The following NTMT1 variants were observed in gnomAD, a reference collection of about 807,000 sequenced individuals.
NTMT1 encodes the protein N-terminal Xaa-Pro-Lys N-methyltransferase 1.
In NTMT1, 8 loss-of-function variants were observed where a neutral mutation model predicts 17.5. The observed-to-expected ratio is 0.46, with a 90% CI of 0.27 to 0.82. NTMT1 has a LOEUF of 0.82. Ranked by LOEUF, NTMT1 falls within the 40% of genes least tolerant of loss-of-function variation. NTMT1 has a pLI of 0.15. For missense variants in NTMT1, 221 were observed against 303.5 expected (o/e 0.73, Z 2.02); for synonymous variants, 128 against 126.8 (o/e 1.01, Z -0.06).
Position 129,614,831 on chromosome 9 carries a change from G to A in NTMT1, c.-55+5653G>A, listed in dbSNP as rs1830272341. Among the ~76,000 whole-genome samples, 1 of 152,204 alleles carries A rather than the reference G, an allele frequency of 6.6e-6. No homozygotes were observed. The highest frequency in any genetic ancestry group is 2.4e-5 in the African/African-American group (1 of 41,436). On this transcript the variant is annotated intron_variant, in intron 1 of 3. Coordinates refer to the NTMT1 transcript ENST00000372486. This position sits in a 1 kb window ranked among gnomAD's most constrained non-coding sequence, Gnocchi z 4.4. ...GCAGGAGAATGGCATGAACCCGGGA[G>A]GTGGAGCTTGCAGCGAGCCGAGATC...
intron 1 of NTMT1, among the ~76,000 whole-genome samples, chr9:129,629,095 A>C (rs554486151): frequency 6.6e-6 from 1 of 152,052 alleles, no homozygotes; most frequent in South Asian, 2.1e-4. Flanking sequence ...GGGCTCAAGC[A>C]GTCTTCCCAC....
rs555276434 is a variant in NTMT1 at position 129,613,727 on chromosome 9, C to T, written c.-55+4549C>T. Reference sequence around the variant, plus strand: ...TCCATGGCAACCCCAGGCTCCCCAGCGCCTTCTGGCTGCCTCCAGAGAAGC... The same window carrying T: ...TCCATGGCAACCCCAGGCTCCCCAGTGCCTTCTGGCTGCCTCCAGAGAAGC... On this transcript the variant is annotated intron_variant, in intron 1 of 3. Transcript: ENST00000372486. The surrounding 1 kb of genome is among the most constrained non-coding windows in gnomAD (Gnocchi z 6.2). 2.1e-5 allele frequency: 24 copies of T among 1,156,184 alleles called. No individual in the cohort carries two copies. The highest frequency in any genetic ancestry group is 2.7e-5 in the Non-Finnish European group (22 of 822,772). The allele number at this position is 1,156,184 out of a possible 1,614,324, so 71.6% of individuals were successfully genotyped here. A position where few individuals can be genotyped will look rare whatever the true frequency, so the allele number is the denominator to read the frequency against.
chr9:129,609,351 C>A (rs1404342332), intron 1 of NTMT1, among the ~76,000 whole-genome samples: 3 of 152,252 alleles, frequency 2.0e-5, no homozygotes, highest in East Asian at 3.9e-4. Flanking sequence ...TCCTCCCCCT[C>A]CCCCCAACTA....
At chr9:129,610,357 C>G (rs1387440517) in intron 1 of NTMT1, among the ~76,000 whole-genome samples, 1 of 147,412 alleles carries the variant, frequency 6.8e-6, no homozygotes, top group Non-Finnish European at 1.5e-5. Flanking sequence ...AGTCCGGGGT[C>G]GCGGGGGCGC....
chr9:129,622,263 C>T (rs985504399), upstream of NTMT1, among the ~76,000 whole-genome samples: 3 of 152,178 alleles, frequency 2.0e-5, no homozygotes, highest in Non-Finnish European at 2.9e-5. Flanking sequence ...GAGGCCGAGG[C>T]GGGCGGATCA....
At chr9:129,631,991 G>A (rs2900277) in intron 1 of NTMT1, among the ~76,000 whole-genome samples, 8 of 152,124 alleles carry the variant, frequency 5.3e-5, no homozygotes, top group Non-Finnish European at 1.0e-4. Flanking sequence ...GGACCCCACC[G>A]TGAGTTGTTG....
rs16931335 is a variant in NTMT1 at position 129,614,592 on chromosome 9, G to A, written c.-55+5414G>A. ...AACAGGGACTTCTCGCCTGCTTCTC[G>A]AGACACACTTCAGAAAATTCACTGG... On this transcript the variant is annotated intron_variant, in intron 1 of 3. Coordinates refer to the NTMT1 transcript ENST00000372486. The surrounding 1 kb of genome is among the most constrained non-coding windows in gnomAD (Gnocchi z 4.4). Among the ~76,000 whole-genome samples, 27,960 of 152,110 alleles carry A rather than the reference G, an allele frequency of 0.18. 2,993 individuals carry two copies. The highest frequency in any genetic ancestry group is 0.29 in the East Asian group (1,525 of 5,170).
chr9:129,623,139 C>G (rs1341532591), upstream of NTMT1, among the ~76,000 whole-genome samples: 1 of 152,076 alleles, frequency 6.6e-6, no homozygotes, highest in Non-Finnish European at 1.5e-5. Flanking sequence ...CGAGACCATC[C>G]TGGCTAACAC....
upstream of NTMT1, among the ~76,000 whole-genome samples, chr9:129,624,361 G>A (rs575001619): frequency 6.6e-5 from 10 of 152,198 alleles, no homozygotes; most frequent in Admixed American, 3.9e-4. Flanking sequence ...CACCCCCACC[G>A]ATTGAAATTG....
At position 129,635,502 on chromosome 9, in the gene NTMT1, T is replaced by C. The variant is rs1279800812; in HGVS notation, c.*38T>C. The C allele has an allele frequency of 1.9e-6, 3 of 1,581,282 alleles. No individual in the cohort carries two copies. Among genetic ancestry groups the C allele is most frequent in the Non-Finnish European group, 1.7e-6 (2 of 1,161,754 alleles). On this transcript the variant is annotated 3_prime_UTR_variant, in exon 4 of 4. Coordinates refer to ENST00000372483, the MANE Select transcript of NTMT1 (RefSeq NM_014064.4). ...AGGAGAAACTGAGGAACCACAGTCC[T>C]GGTGGGGGGAGCTGGCAGCTGGGCA...
intron 1 of NTMT1, chr9:129,612,462 G>A: frequency 6.2e-7 from 1 of 1,609,552 alleles, no homozygotes; most frequent in Non-Finnish European, 8.5e-7. Context: ...CTCCTAGAGT[G>A]AGACAGAGGA....
intron 3 of NTMT1, 79 bp downstream of exon 3, chr9:129,634,385 G>A: frequency 6.7e-7 from 1 of 1,498,846 alleles, no homozygotes; most frequent in South Asian, 1.3e-5. Flanking sequence ...CAGGACCAGG[G>A]CTTTGCACTC....
At chr9:129,616,577 C>A (rs563528049) in intron 1 of NTMT1, among the ~76,000 whole-genome samples, 44 of 152,206 alleles carry the variant, frequency 2.9e-4, no homozygotes, top group Admixed American at 2.0e-3. Context: ...AGCCACGTGG[C>A]CTTTGGTAGA....
At chr9:129,618,000 G>A (rs772294411) in intron 1 of NTMT1, among the ~76,000 whole-genome samples, 1 of 152,176 alleles carries the variant, frequency 6.6e-6, no homozygotes, top group Non-Finnish European at 1.5e-5. Flanking sequence ...TCCATTTCTA[G>A]TTCCTACCCT....
Position 129,613,109 on chromosome 9 carries a change from G to A in NTMT1, c.-55+3931G>A, listed in dbSNP as rs372791162. ...CAGGAGCAAGACCATTTGCCCACCT[G>A]CTCCAGGTTTCTGTGCGGGTCCAAG... On this transcript the variant is annotated intron_variant, in intron 1 of 3. Coordinates refer to the NTMT1 transcript ENST00000372486. This position sits in a 1 kb window ranked among gnomAD's most constrained non-coding sequence, Gnocchi z 6.2. 4.3e-6 allele frequency: 7 copies of A among 1,613,714 alleles called. No homozygotes were observed. The highest frequency in any genetic ancestry group is 5.9e-6 in the Non-Finnish European group (7 of 1,180,028).
Position 129,635,636 on chromosome 9 carries a change from C to A in NTMT1, c.*172C>A. On this transcript the variant is annotated 3_prime_UTR_variant, in exon 4 of 4. Coordinates refer to ENST00000372483, the MANE Select transcript of NTMT1 (RefSeq NM_014064.4). ...CTTCTTCAAAAGGCAAGGTGGGACCCGGCGGGGAGGGTGCTGCTGAACCAG... is the reference window on the plus strand; with the variant it reads ...CTTCTTCAAAAGGCAAGGTGGGACCAGGCGGGGAGGGTGCTGCTGAACCAG... 1 of 816,046 alleles carries A rather than the reference C, an allele frequency of 1.2e-6. No homozygotes were observed. Among genetic ancestry groups the A allele is most frequent in the East Asian group, 2.5e-5 (1 of 39,820 alleles). 50.6% of individuals were successfully genotyped at this position (816,046 alleles called of 1,614,324 possible).
In NTMT1 at chr9:129,635,465, G is replaced by A. The variant is rs769513261; in HGVS notation, c.*1G>A. 1 of 1,603,550 alleles carries A rather than the reference G, an allele frequency of 6.2e-7. No individual in the cohort carries two copies. Among genetic ancestry groups the A allele is most frequent in the South Asian group, 1.1e-5 (1 of 90,814 alleles). ...TGTCTATAGCTTTGCCCTGAGATGA[G>A]CCGGGGCTGGCAGGAGAAACTGAGG... On this transcript the variant is annotated 3_prime_UTR_variant, in exon 4 of 4. Coordinates refer to ENST00000372483, the MANE Select transcript of NTMT1 (RefSeq NM_014064.4).
Position 129,613,390 on chromosome 9 carries a change from C to G in NTMT1, c.-55+4212C>G, listed in dbSNP as rs1830183814. 1 of 1,602,964 alleles carries G rather than the reference C, an allele frequency of 6.2e-7. No homozygotes were observed. Among genetic ancestry groups the G allele is most frequent in the Non-Finnish European group, 8.5e-7 (1 of 1,173,072 alleles). On this transcript the variant is annotated intron_variant, in intron 1 of 3. Coordinates refer to the NTMT1 transcript ENST00000372486. The surrounding 1 kb of genome is among the most constrained non-coding windows in gnomAD (Gnocchi z 6.2). ...GTCTGTAGGCAAGGGGGGTGGAGGG[C>G]CCTGGCAATGTCCACGAGTCCCATC... is the stretch of plus-strand genomic sequence containing the variant.
chr9:129,615,562 G>A (rs151231351), intron 1 of NTMT1: 23 of 1,609,560 alleles, frequency 1.4e-5, no homozygotes, highest in Non-Finnish European at 1.9e-5. Context: ...AAAGGGCAAC[G>A]CTGCCTGCAG....
Sources: gnomAD v4.1 joint callset for allele counts (sites outside exome capture counted in the v4.1 genomes callset) on GRCh38, gnomAD v4.1.1 for gene constraint, Gnocchi (gnomAD v3.1) non-coding constraint, MANE v1.5 for transcripts, NCBI Gene and HGNC (gene_info 2026-07-23, HGNC 2026-07-21) for gene names.